Variants in ZNHIT6 observed in about 807,000 individuals in gnomAD.
ZNHIT6 encodes the protein zinc finger HIT-type containing 6.
A neutral mutation model predicts 57.2 loss-of-function variants in ZNHIT6; 45 were observed. The observed-to-expected ratio is 0.79, with a 90% CI of 0.62 to 1.01. The LOEUF is 1.01. ZNHIT6 is among the 50% of genes least tolerant of loss of function. ZNHIT6 has a pLI of 0.00. For missense variants in ZNHIT6, 528 were observed against 567.3 expected (o/e 0.93, Z 0.70); for synonymous variants, 188 against 190.0 (o/e 0.99, Z 0.09).
rs1023692526 is a variant in ZNHIT6 at position 85,653,096 on chromosome 1, T to A, written c.*962A>T. The A allele has an allele frequency of 6.6e-6, 1 of 152,162 alleles. No homozygotes were observed. Among genetic ancestry groups the A allele is most frequent in the African/African-American group, 2.4e-5 (1 of 41,442 alleles). 9.4% of individuals were successfully genotyped at this position (152,162 alleles called of 1,614,324 possible). A position where few individuals can be genotyped will look rare whatever the true frequency, so the allele number is the denominator to read the frequency against. On this transcript the variant is annotated 3_prime_UTR_variant, in exon 10 of 10. Coordinates refer to ENST00000370574, the MANE Select transcript of ZNHIT6 (RefSeq NM_017953.4). ...TTCTGCAGTAATGATGAGAGTGGGC[T>A]AGGAATGTGATGAAAGGCACAGAAT...
chr1:85,667,800 A>AGT (rs2100659582), intron 8 of ZNHIT6, among the ~76,000 whole-genome samples: 1 of 149,776 alleles, frequency 6.7e-6, no homozygotes, highest in Admixed American at 6.6e-5. Context: ...CAGGTGTGGT[A>AGT]GTGTGTGCCT....
chr1:85,702,057 G>T, intron 5 of ZNHIT6, 100 bp downstream of exon 5: 1 of 714,510 alleles, frequency 1.4e-6, no homozygotes, highest in Non-Finnish European at 2.3e-6. Context: ...ACAGTTTACA[G>T]AACCACACTT....
intron 8 of ZNHIT6, among the ~76,000 whole-genome samples, chr1:85,664,689 G>A (rs369107020): frequency 3.3e-5 from 5 of 152,018 alleles, no homozygotes; most frequent in African/African-American, 4.8e-5. Flanking sequence ...TAGTACCTGC[G>A]TGACGAAATA....
intron 5 of ZNHIT6, among the ~76,000 whole-genome samples, chr1:85,696,516 C>T (rs921655970): frequency 6.6e-6 from 1 of 151,972 alleles, no homozygotes; most frequent in African/African-American, 2.4e-5. Flanking sequence ...TAGGTTGGTG[C>T]CAGTTTTTAC....
Position 85,708,023 on chromosome 1 carries a change from T to C in ZNHIT6, c.262A>G (p.Thr88Ala), listed in dbSNP as rs760566880. 9 of 1,614,192 alleles carry C rather than the reference T, an allele frequency of 5.6e-6. No individual in the cohort carries two copies. Among genetic ancestry groups the C allele is most frequent in the African/African-American group, 5.3e-5 (4 of 75,050 alleles). ...CACTGGCCAGCCAACCTGCCTTCTG[T>C]ACCTGGCCAGTCTATAATTTCCTGC... ...VKQEIIDWPGTEGRLAGQWVE... is the reference protein window; with the variant it reads ...VKQEIIDWPGAEGRLAGQWVE... Residue 88 changes from threonine (T) to alanine (A), a missense_variant, in exon 1 of 10, where the codon ACA becomes GCA. Physicochemically the swap from Thr to Ala is moderately conservative, Grantham distance 58. Coordinates refer to ENST00000370574, the MANE Select transcript of ZNHIT6 (RefSeq NM_017953.4).
At chr1:85,674,909 CAG>C (rs150857928) in intron 8 of ZNHIT6, among the ~76,000 whole-genome samples, 5,795 of 152,242 alleles carry the variant, frequency 0.038, 184 homozygotes, top group East Asian at 0.15. Flanking sequence ...AAAAGATAAA[CAG>C]GGGATACTGA....
At chr1:85,674,208 A>T (rs1049652025) in intron 8 of ZNHIT6, among the ~76,000 whole-genome samples, 1 of 152,226 alleles carries the variant, frequency 6.6e-6, no homozygotes. Context: ...TCGAGTCAAT[A>T]GCAAAAATGG....
At chr1:85,654,190 G>T in intron 9 of ZNHIT6, 92 bp from the exon 10 acceptor site, 2 of 1,072,518 alleles carry the variant, frequency 1.9e-6, no homozygotes, top group Non-Finnish European at 2.7e-6. Flanking sequence ...CTGATGTACA[G>T]CAAAAGCACT....
At chr1:85,683,992 C>A (rs915111089) in intron 5 of ZNHIT6, among the ~76,000 whole-genome samples, 2 of 152,112 alleles carry the variant, frequency 1.3e-5, no homozygotes, top group African/African-American at 4.8e-5. Flanking sequence ...GAAGCAGAAT[C>A]ATCACTGTTT....
chr1:85,702,129 C>T, intron 5 of ZNHIT6, 28 bp downstream of exon 5: 1 of 1,444,804 alleles, frequency 6.9e-7, no homozygotes, highest in Non-Finnish European at 9.6e-7. Context: ...ATCAGAATAC[C>T]TGATATACTA....
intron 4 of ZNHIT6, among the ~76,000 whole-genome samples, chr1:85,704,629 A>T (rs1373918447): frequency 6.6e-6 from 1 of 152,198 alleles, no homozygotes; most frequent in Non-Finnish European, 1.5e-5. Context: ...AAAATTGTAA[A>T]GTAATTTATC....
At chr1:85,659,681 G>A (rs1438654044) in intron 8 of ZNHIT6, among the ~76,000 whole-genome samples, 3 of 152,180 alleles carry the variant, frequency 2.0e-5, no homozygotes, top group Non-Finnish European at 2.9e-5. Flanking sequence ...AGTAAGACAT[G>A]CAGGACACTC....
rs904092917 is a variant in ZNHIT6, at chr1:85,653,620, A to G, written c.*438T>C. 6.5e-6 allele frequency: 1 copy of G among 152,718 alleles called. No individual in the cohort carries two copies. Among genetic ancestry groups the G allele is most frequent in the Non-Finnish European group, 1.5e-5 (1 of 68,594 alleles). The allele number at this position is 152,718 out of a possible 1,614,324, so 9.5% of individuals were successfully genotyped here. A position where few individuals can be genotyped will look rare whatever the true frequency, so the allele number is the denominator to read the frequency against. On this transcript the variant is annotated 3_prime_UTR_variant, in exon 10 of 10. Coordinates refer to ENST00000370574, the MANE Select transcript of ZNHIT6 (RefSeq NM_017953.4). ...GTCTCTACCAAAAAAAAACAACAAC[A>G]AAAAACTTAGCTGAGTGTGGTGGTA...
chr1:85,706,336 G>A lies in ZNHIT6; in HGVS notation c.742C>T (p.His248Tyr), dbSNP rs781062530. Residue 248 changes from histidine to tyrosine, a missense_variant, in exon 3 of 10, where the codon CAC (histidine) becomes TAC (tyrosine). Physicochemically the swap from His to Tyr is moderately conservative, Grantham distance 83. Coordinates refer to ENST00000370574, the MANE Select transcript of ZNHIT6 (RefSeq NM_017953.4). Reference protein sequence around the residue: ...YSCSLPCVKKHKAELTCNGVR... With the variant: ...YSCSLPCVKKYKAELTCNGVR... ...CCATTACATGTCAGTTCTGCTTTGTGTTTCTTTACACAGGGCAAACTGAAA... is the reference window on the plus strand; with the variant it reads ...CCATTACATGTCAGTTCTGCTTTGTATTTCTTTACACAGGGCAAACTGAAA... 6.2e-7 allele frequency: 1 copy of A among 1,613,856 alleles called. No homozygotes were observed. The highest frequency in any genetic ancestry group is 1.1e-5 in the South Asian group (1 of 91,058).
rs1005427127 is a variant in ZNHIT6 at position 85,706,260 on chromosome 1, T to C, written c.818A>G (p.Asn273Ser). Residue 273 changes from asparagine (N) to serine (S), a missense_variant, in exon 3 of 10, where the codon AAT becomes AGT. Transcript: ENST00000370574. ...YISIQQFTEM[N>S]LLSDYRFLED... is the part of the protein sequence containing the mutation. ...ATAAAGTGGCTTACCACTTAGGAGATTCATTTCAGTAAACTGTTGTATTGA... is the reference window on the plus strand; with the variant it reads ...ATAAAGTGGCTTACCACTTAGGAGACTCATTTCAGTAAACTGTTGTATTGA... The C allele has an allele frequency of 5.6e-6, 9 of 1,611,348 alleles. No individual in the cohort carries two copies. Among genetic ancestry groups the C allele is most frequent in the Non-Finnish European group, 7.6e-6 (9 of 1,178,270 alleles).
chr1:85,665,840 C>G (rs911913788), intron 8 of ZNHIT6, among the ~76,000 whole-genome samples: 4 of 152,072 alleles, frequency 2.6e-5, no homozygotes, highest in Non-Finnish European at 4.4e-5. Flanking sequence ...TTCAACAGTC[C>G]ATGAATTAAC....
rs778744833 is a variant in ZNHIT6, at chr1:85,706,368, A to C, written c.723-13T>G. 2 of 1,613,828 alleles carry C rather than the reference A, an allele frequency of 1.2e-6. No individual in the cohort carries two copies. Among genetic ancestry groups the C allele is most frequent in the South Asian group, 2.2e-5 (2 of 91,052 alleles). On this transcript the variant is annotated splice_polypyrimidine_tract_variant and intron_variant, in intron 2 of 9. Coordinates refer to ENST00000370574, the MANE Select transcript of ZNHIT6 (RefSeq NM_017953.4). ...TACACAGGGCAAACTGAAAAGACAA[A>C]GGGGAAGTACTTTTATATTTTAGGG...
intron 6 of ZNHIT6, 31 bp downstream of exon 6, chr1:85,680,805 C>T (rs776918731): frequency 6.4e-7 from 1 of 1,553,166 alleles, no homozygotes; most frequent in Admixed American, 1.8e-5. Context: ...CAAATTAAAA[C>T]AAATCAGTGA....
At chr1:85,688,666 C>A (rs535931120) in intron 5 of ZNHIT6, among the ~76,000 whole-genome samples, 83 of 152,278 alleles carry the variant, frequency 5.5e-4, no homozygotes, top group Middle Eastern at 6.8e-3. Flanking sequence ...CTTTCCTGGA[C>A]ACAATGGCTC....
Sources: allele counts gnomAD v4.1 joint callset (sites outside exome capture counted in the v4.1 genomes callset), GRCh38; gene constraint gnomAD v4.1.1; transcripts MANE v1.5; gene names NCBI Gene and HGNC (gene_info 2026-07-23, HGNC 2026-07-21).